ZDHHC8: variants seen among roughly 807,000 people sequenced by gnomAD.
ZDHHC8 encodes palmitoyltransferase ZDHHC8.
ZDHHC8 carries 24 observed loss-of-function variants against 61.2 expected under a neutral mutation model. The observed-to-expected ratio is 0.39, with a 90% CI of 0.28 to 0.55. The LOEUF (loss-of-function observed/expected upper bound fraction) is 0.55. ZDHHC8 is among the 20% of genes least tolerant of loss of function. ZDHHC8 has a pLI of 0.60. For missense variants in ZDHHC8, 935 were observed against 1,102.1 expected (o/e 0.85, Z 2.15); for synonymous variants, 523 against 492.5 (o/e 1.06, Z -0.82).
In ZDHHC8 at chr22:20,146,995, T is replaced by C; in HGVS notation, c.*1595T>C. The C allele has an allele frequency of 2.2e-6, 3 of 1,392,656 alleles. No individual in the cohort carries two copies. Among genetic ancestry groups the C allele is most frequent in the Non-Finnish European group, 2.8e-6 (3 of 1,075,500 alleles). The allele number at this position is 1,392,656 out of a possible 1,614,324, so 86.3% of individuals were successfully genotyped here. ...AAGCTGACCTCCACCTTTCTGCTTC[T>C]CTCTCACGGACGCCGCGGCCCGCAG... On this transcript the variant is annotated 3_prime_UTR_variant, in exon 11 of 11. Transcript: ENST00000334554.
In ZDHHC8 at chr22:20,143,856, G is replaced by T. The variant is rs543682360; in HGVS notation, c.2126+100G>T. ...TGGGCACTCATAGGTCATCCCAGGG[G>T]CCTGAGTTTTTCTCTGGGGACGGGA... On this transcript the variant is annotated intron_variant, in intron 10 of 10. Transcript: ENST00000334554. 7.1e-6 allele frequency: 10 copies of T among 1,398,756 alleles called. No homozygotes were observed. In the African/African-American group the frequency reaches 1.3e-4, roughly 18 times the overall value. The allele number at this position is 1,398,756 out of a possible 1,614,324, so 86.6% of individuals were successfully genotyped here.
In ZDHHC8 at chr22:20,145,524, G is replaced by T. The variant is rs1425734617; in HGVS notation, c.*124G>T. On this transcript the variant is annotated 3_prime_UTR_variant, in exon 11 of 11. Transcript: ENST00000334554. ...CACCCCAGCCTGGTGTGGACCCATC[G>T]GCGGGAGAGAGTGCCACGCCTCCAC... 1 of 1,313,696 alleles carries T rather than the reference G, an allele frequency of 7.6e-7. No homozygotes were observed. The highest frequency in any genetic ancestry group is 1.5e-5 in the African/African-American group (1 of 65,080). The allele number at this position is 1,313,696 out of a possible 1,614,324, so 81.4% of individuals were successfully genotyped here.
At chr22:20,133,703 C>T (rs2050397151) in intron 1 of ZDHHC8, among the ~76,000 whole-genome samples, 1 of 130,772 alleles carries the variant, frequency 7.6e-6, no homozygotes, top group Admixed American at 8.9e-5. Context: ...GCCTGGGTGA[C>T]AGAGCAAGAC....
intron 10 of ZDHHC8, among the ~76,000 whole-genome samples, chr22:20,144,609 C>G (rs2050505346): frequency 6.6e-6 from 1 of 152,242 alleles, no homozygotes; most frequent in Admixed American, 6.5e-5. Flanking sequence ...CTGAGCGGGT[C>G]TCCTCTACCC....
chr22:20,139,331 G>A lies in ZDHHC8; in HGVS notation c.226+16G>A, dbSNP rs769157264. On this transcript the variant is annotated intron_variant, in intron 2 of 10. Coordinates refer to ENST00000334554, the MANE Select transcript of ZDHHC8 (RefSeq NM_013373.4). ...TTCCCCCGAGGTAGGGCCCTGTGCT[G>A]CGGCAGCTCCTCTCACTTTCACTAG... 4 of 1,611,696 alleles carry A rather than the reference G, an allele frequency of 2.5e-6. No homozygotes were observed. The highest frequency in any genetic ancestry group is 2.5e-6 in the Non-Finnish European group (3 of 1,178,916).
intron 1 of ZDHHC8, among the ~76,000 whole-genome samples, chr22:20,132,352 C>T (rs1381357007): frequency 2.0e-5 from 3 of 152,208 alleles, no homozygotes; most frequent in East Asian, 1.9e-4. Context: ...GGGAGGAGGC[C>T]GGGCTGCCCT....
rs74464271 is a variant in ZDHHC8 at position 20,145,778 on chromosome 22, C to A, written c.*378C>A. On this transcript the variant is annotated 3_prime_UTR_variant, in exon 11 of 11. Transcript: ENST00000334554. ...AGGCCAGCCCCCAATGGTCCCCTTACGGACAGGTCCCAGAGATGGACAGAG... is the reference window on the plus strand; with the variant it reads ...AGGCCAGCCCCCAATGGTCCCCTTAAGGACAGGTCCCAGAGATGGACAGAG... The A allele has an allele frequency of 1.0e-6, 1 of 993,556 alleles. No individual in the cohort carries two copies. The highest frequency in any genetic ancestry group is 1.2e-6 in the Non-Finnish European group (1 of 835,510). 61.5% of individuals were successfully genotyped at this position (993,556 alleles called of 1,614,324 possible). A position where few individuals can be genotyped will look rare whatever the true frequency, so the allele number is the denominator to read the frequency against.
rs2050458223 is a variant in ZDHHC8, at chr22:20,140,444, C to T, written c.661-173C>T. Reference sequence around the variant, plus strand: ...CAGTGACCCAGAAATCCCACAGCTCCCTGCAAGTTCAGGCTGGGTAACCTA... The same window carrying T: ...CAGTGACCCAGAAATCCCACAGCTCTCTGCAAGTTCAGGCTGGGTAACCTA... On this transcript the variant is annotated intron_variant, in intron 5 of 10. Transcript: ENST00000334554. 1.7e-5 allele frequency: 14 copies of T among 813,442 alleles called. No individual in the cohort carries two copies. The South Asian group carries it at 2.4e-4, about 14-fold the overall frequency. 50.4% of individuals were successfully genotyped at this position (813,442 alleles called of 1,614,324 possible). A position where few individuals can be genotyped will look rare whatever the true frequency, so the allele number is the denominator to read the frequency against.
intron 1 of ZDHHC8, among the ~76,000 whole-genome samples, chr22:20,136,542 C>T (rs1005051772): frequency 1.3e-5 from 2 of 152,106 alleles, no homozygotes; most frequent in African/African-American, 2.4e-5. Context: ...GAGGGGCAGC[C>T]GAGCCGAGGC....
Position 20,142,823 on chromosome 22 carries a change from C to G in ZDHHC8, c.1193C>G (p.Pro398Arg). 2 of 1,612,720 alleles carry G rather than the reference C, an allele frequency of 1.2e-6. No homozygotes were observed. Among genetic ancestry groups the G allele is most frequent in the South Asian group, 2.2e-5 (2 of 91,086 alleles). Reference protein sequence around the residue: ...SIRSLDFVSEPSLDLPDYGPG... With the variant: ...SIRSLDFVSERSLDLPDYGPG... Reference sequence around the variant, plus strand: ...CGTAGCCTGGACTTTGTGTCCGAGCCGAGCCTGGACCTCCCTGACTATGGG... The same window carrying G: ...CGTAGCCTGGACTTTGTGTCCGAGCGGAGCCTGGACCTCCCTGACTATGGG... The change falls in exon 10 of 11, where the codon CCG becomes CGG. Residue 398 changes from proline (P) to arginine (R), a missense_variant. Around this residue, in one of 3 missense-constraint regions of ZDHHC8, gnomAD observed 692 missense variants for 731.4 expected, o/e 0.95. Transcript: ENST00000334554.
chr22:20,146,825 G>A lies in ZDHHC8; in HGVS notation c.*1425G>A, dbSNP rs1159846235. ...CCTGTTGGCTCAGGGCCCTGTGGGG[G>A]CCGCTGAACCTGCTGGAACTCTCCT... On this transcript the variant is annotated 3_prime_UTR_variant, in exon 11 of 11. Transcript: ENST00000334554. 8.0e-7 allele frequency: 1 copy of A among 1,246,736 alleles called. No homozygotes were observed. Among genetic ancestry groups the A allele is most frequent in the Non-Finnish European group, 1.0e-6 (1 of 996,624 alleles). The allele number at this position is 1,246,736 out of a possible 1,614,324, so 77.2% of individuals were successfully genotyped here.
chr22:20,145,809 C>T lies in ZDHHC8; in HGVS notation c.*409C>T. ...GGTCCCAGAGATGGACAGAGGCACC[C>T]AGGGCCCCCACCGTCCTTCTGACAC... On this transcript the variant is annotated 3_prime_UTR_variant, in exon 11 of 11. Transcript: ENST00000334554. The T allele has an allele frequency of 8.1e-6, 8 of 988,928 alleles. No homozygotes were observed. The highest frequency in any genetic ancestry group is 9.6e-6 in the Non-Finnish European group (8 of 832,348). The allele number at this position is 988,928 out of a possible 1,614,324, so 61.3% of individuals were successfully genotyped here.
chr22:20,142,988 C>T lies in ZDHHC8; in HGVS notation c.1358C>T (p.Ser453Phe), dbSNP rs2050484886. 6.2e-7 allele frequency: 1 copy of T among 1,605,724 alleles called. No homozygotes were observed. The highest frequency in any genetic ancestry group is 1.7e-5 in the Admixed American group (1 of 59,668). The change falls in exon 10 of 11, where the codon TCT becomes TTT. Residue 453 changes from serine to phenylalanine, a missense_variant. Ser to Phe is a radical substitution (Grantham distance 155). Transcript: ENST00000334554. ...GDHVALQPLR[S>F]EGGPPTPHRS... ...CATGTGGCCCTGCAGCCCCTGCGCT[C>T]TGAGGGGGGGCCCCCCACGCCCCAC...
rs1459598496 is a variant in ZDHHC8, at chr22:20,131,888, G to T, written c.-60G>T. 9 of 244,962 alleles carry T rather than the reference G, an allele frequency of 3.7e-5. No individual in the cohort carries two copies. The highest frequency in any genetic ancestry group is 5.1e-5 in the Non-Finnish European group (8 of 156,174). 15.2% of individuals were successfully genotyped at this position (244,962 alleles called of 1,614,324 possible). A position where few individuals can be genotyped will look rare whatever the true frequency, so the allele number is the denominator to read the frequency against. ...CAGCCCGCCCGCCCGACCCCGGCCC[G>T]ACCCCGGCCGGCCCTGCCCGCCCGG... is the stretch of plus-strand genomic sequence containing the variant. On this transcript the variant is annotated 5_prime_UTR_variant, in exon 1 of 11. Coordinates refer to ENST00000334554, the MANE Select transcript of ZDHHC8 (RefSeq NM_013373.4).
chr22:20,136,368 C>T (rs2050420304), intron 1 of ZDHHC8, among the ~76,000 whole-genome samples: 1 of 152,240 alleles, frequency 6.6e-6, no homozygotes. Flanking sequence ...CCACACATGG[C>T]CTCCCCTGTC....
chr22:20,133,078 G>A (rs1218043640), intron 1 of ZDHHC8, among the ~76,000 whole-genome samples: 2 of 152,270 alleles, frequency 1.3e-5, no homozygotes, highest in Non-Finnish European at 2.9e-5. Flanking sequence ...GCCCCCACGT[G>A]CATCGCAAGG....
intron 9 of ZDHHC8, among the ~76,000 whole-genome samples, chr22:20,141,822 C>T (rs2050473782): frequency 6.6e-6 from 1 of 152,218 alleles, no homozygotes. Flanking sequence ...GTCCCTTGGC[C>T]AGCATTGCCC....
rs2050531205 is a variant in ZDHHC8, at chr22:20,146,900, C to T, written c.*1500C>T. 2 of 1,311,486 alleles carry T rather than the reference C, an allele frequency of 1.5e-6. No individual in the cohort carries two copies. The highest frequency in any genetic ancestry group is 2.2e-5 in the South Asian group (1 of 45,704). 81.2% of individuals were successfully genotyped at this position (1,311,486 alleles called of 1,614,324 possible). On this transcript the variant is annotated 3_prime_UTR_variant, in exon 11 of 11. Transcript: ENST00000334554. Reference sequence around the variant, plus strand: ...CTGAGGGAGTGTGAGGGATGCACAGCTGTTCAGGGCTGAGACATTCTGGGC... The same window carrying T: ...CTGAGGGAGTGTGAGGGATGCACAGTTGTTCAGGGCTGAGACATTCTGGGC...
Position 20,142,954 on chromosome 22 carries a change from G to C in ZDHHC8, c.1324G>C (p.Gly442Arg), listed in dbSNP as rs772225097. ...GAGCCTCAAGGCCTCGAGCCGGCGGGGCGGGGATCATGTGGCCCTGCAGCC... is the reference window on the plus strand; with the variant it reads ...GAGCCTCAAGGCCTCGAGCCGGCGGCGCGGGGATCATGTGGCCCTGCAGCC... ...SLSLKASSRR[G>R]GDHVALQPLR... The change falls in exon 10 of 11, where the codon GGC becomes CGC. Residue 442 changes from glycine to arginine, a missense_variant. Physicochemically the swap from Gly to Arg is moderately radical, Grantham distance 125. This residue lies in a region of ZDHHC8 where 692 missense variants were observed against 731.4 expected (regional missense o/e 0.95). Coordinates refer to ENST00000334554, the MANE Select transcript of ZDHHC8 (RefSeq NM_013373.4). 11 of 1,601,510 alleles carry C rather than the reference G, an allele frequency of 6.9e-6. No homozygotes were observed. Among genetic ancestry groups the C allele is most frequent in the Non-Finnish European group, 9.4e-6 (11 of 1,172,632 alleles).
Sources: allele counts gnomAD v4.1 joint callset (sites outside exome capture counted in the v4.1 genomes callset), GRCh38; gene constraint gnomAD v4.1.1; regional missense constraint gnomAD v4.1.1; transcripts MANE v1.5; gene names NCBI Gene and HGNC (gene_info 2026-07-23, HGNC 2026-07-21).